Variants in NRXN2 observed in about 807,000 individuals in gnomAD.
The protein encoded by NRXN2 is neurexin 2.
NRXN2 carries 29 observed loss-of-function variants against 128.8 expected under a neutral mutation model. The observed-to-expected ratio is 0.23, with a 90% CI of 0.17 to 0.31. The LOEUF is 0.31. Ranked by LOEUF, NRXN2 falls within the 10% of genes least tolerant of loss-of-function variation. The pLI, the probability that NRXN2 is intolerant of heterozygous loss-of-function variation, is 1.00. For synonymous variants in NRXN2, 1,098 were observed against 1,075.2 expected, an observed-to-expected ratio of 1.02 and a Z score of -0.41; for missense variants, 1,881 against 2,452.6, an observed-to-expected ratio of 0.77 and a Z score of 4.92.
intron 2 of NRXN2, among the ~76,000 whole-genome samples, chr11:64,707,448 G>C (rs548569575): frequency 6.6e-6 from 1 of 152,206 alleles, no homozygotes; most frequent in East Asian, 1.9e-4. Context: ...ATGGGCCTAG[G>C]GAGTAGAGAA....
intron 7 of NRXN2, among the ~76,000 whole-genome samples, chr11:64,672,336 A>G (rs1274919948): frequency 6.6e-6 from 1 of 152,160 alleles, no homozygotes; most frequent in Admixed American, 6.5e-5. Flanking sequence ...ATTGGTGGGC[A>G]CTCCATGTCC....
intron 17 of NRXN2, among the ~76,000 whole-genome samples, chr11:64,645,360 G>A (rs1363908383): frequency 6.6e-6 from 1 of 152,030 alleles, no homozygotes; most frequent in African/African-American, 2.4e-5. Flanking sequence ...GATATAGAGG[G>A]TAAAAAAGAA....
Position 64,630,233 on chromosome 11 carries a change from C to T in NRXN2, c.3757+169G>A, listed in dbSNP as rs974534848. The stretch of plus-strand genomic sequence containing the variant: ...CAAATCCCGACTTTTCCTAGCCACG[C>T]CCCTGCCCTAGTCCCGCCTCGCAAG... On this transcript the variant is annotated intron_variant, in intron 19 of 22. Coordinates refer to ENST00000265459, the MANE Select transcript of NRXN2 (RefSeq NM_015080.4). The surrounding 1 kb of genome is among the most constrained non-coding windows in gnomAD (Gnocchi z 4.6). Among the ~76,000 whole-genome samples, 5 of 152,260 alleles carry T rather than the reference C, an allele frequency of 3.3e-5. No individual in the cohort carries two copies. The highest frequency in any genetic ancestry group is 1.2e-4 in the African/African-American group (5 of 41,546).
chr11:64,609,469 G>A (rs551191423), intron 22 of NRXN2, among the ~76,000 whole-genome samples: 1 of 152,302 alleles, frequency 6.6e-6, no homozygotes, highest in South Asian at 2.1e-4. Context: ...GGGGAGAATG[G>A]GTCTCCCCAT....
At chr11:64,687,796 G>A (rs1047439599) in intron 5 of NRXN2, among the ~76,000 whole-genome samples, 6 of 152,160 alleles carry the variant, frequency 3.9e-5, no homozygotes, top group Non-Finnish European at 7.4e-5. Context: ...CAAGCCCTGC[G>A]GGAACAGGTA....
At position 64,692,857 on chromosome 11, in the gene NRXN2, T is replaced by C. The variant is rs1170481884; in HGVS notation, c.768A>G (p.Leu256=). 1.2e-6 allele frequency: 2 copies of C among 1,612,718 alleles called. No individual in the cohort carries two copies. The highest frequency in any genetic ancestry group is 8.5e-7 in the Non-Finnish European group (1 of 1,179,776). Residue 256 remains leucine (L), a synonymous_variant, in exon 4 of 23, where the codon TTA becomes TTG. Transcript: ENST00000265459. The stretch of plus-strand genomic sequence containing the variant: ...AACTTCAAACCATACCTTCGCTGTT[T>C]AACGTCAGGTGAGCCGGACCTTGGA... ...HPMEGPAHLT[L]NSEVGSLLFS...
intron 11 of NRXN2, among the ~76,000 whole-genome samples, chr11:64,658,322 T>C (rs1353349505): frequency 1.3e-5 from 2 of 152,210 alleles, no homozygotes; most frequent in Non-Finnish European, 2.9e-5. Flanking sequence ...ACAGAGCCAC[T>C]TATGGGGTCC....
intron 1 of NRXN2, among the ~76,000 whole-genome samples, chr11:64,722,505 T>C (rs1200981870): frequency 6.6e-6 from 1 of 150,688 alleles, no homozygotes; most frequent in African/African-American, 2.4e-5. Context: ...CCTGGCCCCT[T>C]TCCTTCCCTC....
At chr11:64,634,440 A>G (rs1165260432) in intron 18 of NRXN2, among the ~76,000 whole-genome samples, 1 of 152,136 alleles carries the variant, frequency 6.6e-6, no homozygotes, top group African/African-American at 2.4e-5. Context: ...GGGCAGGGAA[A>G]GAAAAGGGGC....
chr11:64,630,880 C>A lies in NRXN2; in HGVS notation c.3586-307G>T, dbSNP rs1031058905. ...GAGCACCTACTCTGTGCAAGGGCCA[C>A]TGGGCCCAGACAGGGGTGATCGGGC... On this transcript the variant is annotated intron_variant, in intron 18 of 22. Coordinates refer to ENST00000265459, the MANE Select transcript of NRXN2 (RefSeq NM_015080.4). The surrounding 1 kb of genome is among the most constrained non-coding windows in gnomAD (Gnocchi z 4.6). Among the ~76,000 whole-genome samples, 4 of 152,226 alleles carry A rather than the reference C, an allele frequency of 2.6e-5. No individual in the cohort carries two copies. The highest frequency in any genetic ancestry group is 5.9e-5 in the Non-Finnish European group (4 of 68,038).
chr11:64,719,181 C>T (rs1406914086), intron 1 of NRXN2, among the ~76,000 whole-genome samples: 4 of 152,084 alleles, frequency 2.6e-5, no homozygotes, highest in Non-Finnish European at 5.9e-5. Context: ...GTACCGAGTG[C>T]CTAGTGTTTC....
chr11:64,696,528 TACAC>T (rs58158687), intron 3 of NRXN2, among the ~76,000 whole-genome samples: 8,944 of 138,796 alleles, frequency 0.064, 920 homozygotes, highest in African/African-American at 0.22. Context: ...CATACATACA[TACAC>T]ACACACACAC....
chr11:64,666,512 AT>A (rs887514021), intron 9 of NRXN2, among the ~76,000 whole-genome samples: 4 of 150,038 alleles, frequency 2.7e-5, no homozygotes, highest in African/African-American at 4.9e-5. Context: ...TAGTGAGTTA[AT>A]TTTTTTTTAA....
At chr11:64,716,803 C>T (rs2057316300) in intron 1 of NRXN2, among the ~76,000 whole-genome samples, 1 of 152,136 alleles carries the variant, frequency 6.6e-6, no homozygotes, top group Non-Finnish European at 1.5e-5. Context: ...CCGGGATCCA[C>T]AGACCCTTGG....
At position 64,660,279 on chromosome 11, in the gene NRXN2, G is replaced by T; in HGVS notation, c.2389+53C>A. ...GCTTCTCCAGACAGAGGCAGGTGTGGGTCAGAGACAAGGCCAGGTGAGGGG... is the reference window on the plus strand; with the variant it reads ...GCTTCTCCAGACAGAGGCAGGTGTGTGTCAGAGACAAGGCCAGGTGAGGGG... On this transcript the variant is annotated intron_variant, in intron 11 of 22. Transcript: ENST00000265459. This position sits in a 1 kb window ranked among gnomAD's most constrained non-coding sequence, Gnocchi z 5.2. 1 of 1,581,426 alleles carries T rather than the reference G, an allele frequency of 6.3e-7. No individual in the cohort carries two copies. The highest frequency in any genetic ancestry group is 8.7e-7 in the Non-Finnish European group (1 of 1,151,988).
Position 64,690,827 on chromosome 11 carries a change from C to T in NRXN2, c.779-351G>A, listed in dbSNP as rs541993107. The stretch of plus-strand genomic sequence containing the variant: ...CCCTCAGCACTGGAGGCCCCCAGTT[C>T]CCCCTTTCAACTGCTCGCTCATTCT... On this transcript the variant is annotated intron_variant, in intron 4 of 22. Coordinates refer to ENST00000265459, the MANE Select transcript of NRXN2 (RefSeq NM_015080.4). Among the ~76,000 whole-genome samples the T allele has an allele frequency of 1.5e-4, 23 of 152,238 alleles. No individual in the cohort carries two copies. In the South Asian group the frequency reaches 4.2e-3, roughly 27 times the overall value.
intron 17 of NRXN2, among the ~76,000 whole-genome samples, chr11:64,639,824 G>A (rs546519833): frequency 6.6e-6 from 1 of 152,212 alleles, no homozygotes; most frequent in East Asian, 1.9e-4. Flanking sequence ...CCTCCCACTG[G>A]GGATGCTAGG....
At chr11:64,697,752 A>G in intron 3 of NRXN2, 23 bp downstream of exon 3, 1 of 1,613,644 alleles carries the variant, frequency 6.2e-7, no homozygotes, top group Non-Finnish European at 8.5e-7. Context: ...CCACTACCCC[A>G]GTGACAGAGA....
At position 64,713,205 on chromosome 11, in the gene NRXN2, C is replaced by A; in HGVS notation, c.495G>T (p.Thr165=). Residue 165 remains threonine, a synonymous_variant, in exon 2 of 23, where the codon ACG becomes ACT. Transcript: ENST00000265459. ...IPPDVRLSAL[T]LSTVKYEPPF... ...GCGGCTCGTACTTGACGGTGCTCAGCGTAAGCGCCGAGAGGCGCACGTCGG... is the reference window on the plus strand; with the variant it reads ...GCGGCTCGTACTTGACGGTGCTCAGAGTAAGCGCCGAGAGGCGCACGTCGG... 1 of 1,468,460 alleles carries A rather than the reference C, an allele frequency of 6.8e-7. No individual in the cohort carries two copies. Among genetic ancestry groups the A allele is most frequent in the Non-Finnish European group, 9.0e-7 (1 of 1,113,934 alleles). 91.0% of individuals were successfully genotyped at this position (1,468,460 alleles called of 1,614,324 possible).
Sources: gnomAD v4.1 joint callset for allele counts (sites outside exome capture counted in the v4.1 genomes callset) on GRCh38, gnomAD v4.1.1 for gene constraint, Gnocchi (gnomAD v3.1) non-coding constraint, MANE v1.5 for transcripts, NCBI Gene and HGNC (gene_info 2026-07-23, HGNC 2026-07-21) for gene names.